The following SEL1L variants were observed in gnomAD, a reference collection of about 807,000 sequenced individuals.
SEL1L encodes protein sel-1 homolog 1.
SEL1L carries 52 observed loss-of-function variants against 109.8 expected under a neutral mutation model. That is an observed-to-expected ratio of 0.47 (90% CI 0.38 to 0.60). The LOEUF (loss-of-function observed/expected upper bound fraction) is 0.60. Among genes scored for constraint, SEL1L ranks in the 20% least tolerant of loss-of-function variants. The pLI, the probability that SEL1L is intolerant of heterozygous loss-of-function variation, is 0.00. For synonymous variants in SEL1L, 373 were observed against 339.6 expected, an observed-to-expected ratio of 1.10 and a Z score of -1.08; for missense variants, 749 against 962.2, an observed-to-expected ratio of 0.78 and a Z score of 2.93.
chr14:81,488,368 G>A (rs1177775036), intron 14 of SEL1L, among the ~76,000 whole-genome samples: 1 of 152,154 alleles, frequency 6.6e-6, no homozygotes, highest in Non-Finnish European at 1.5e-5. Flanking sequence ...AAGGTCATAT[G>A]TATCCAAGAA....
At chr14:81,515,747 A>C (rs1416012317) in intron 3 of SEL1L, among the ~76,000 whole-genome samples, 3 of 152,188 alleles carry the variant, frequency 2.0e-5, no homozygotes. Flanking sequence ...TCTAAAGGGT[A>C]AGTTTATTAC....
intron 20 of SEL1L, among the ~76,000 whole-genome samples, chr14:81,477,527 T>G (rs1485702072): frequency 6.6e-6 from 1 of 152,064 alleles, no homozygotes; most frequent in Non-Finnish European, 1.5e-5. Context: ...AAAACAACAC[T>G]GGGGCCAGGC....
intron 3 of SEL1L, among the ~76,000 whole-genome samples, chr14:81,517,475 TAAC>T (rs1884746170): frequency 6.6e-6 from 1 of 151,710 alleles, no homozygotes; most frequent in Non-Finnish European, 1.5e-5. Flanking sequence ...CTGGGGGAGG[TAAC>T]AATCCAGCAG....
chr14:81,527,550 T>C (rs1393897786), intron 2 of SEL1L, 151 bp downstream of exon 2: 5 of 509,856 alleles, frequency 9.8e-6, no homozygotes, highest in African/African-American at 8.0e-5. Flanking sequence ...CCAGAAAAAC[T>C]AGAACTAATA....
At chr14:81,502,976 C>T (rs1197347668) in intron 5 of SEL1L, 93 bp from the exon 6 acceptor site, 2 of 1,000,086 alleles carry the variant, frequency 2.0e-6, no homozygotes, top group East Asian at 2.6e-5. Context: ...TAAATAATTT[C>T]CTTATGTTAC....
At chr14:81,530,727 T>C (rs997482235) in intron 1 of SEL1L, among the ~76,000 whole-genome samples, 1 of 152,212 alleles carries the variant, frequency 6.6e-6, no homozygotes, top group Non-Finnish European at 1.5e-5. Context: ...GTTTCTAATA[T>C]TAGCCATGTG....
chr14:81,481,528 C>T (rs1423152863), intron 19 of SEL1L, among the ~76,000 whole-genome samples: 6 of 152,132 alleles, frequency 3.9e-5, no homozygotes, highest in Non-Finnish European at 7.4e-5. Context: ...TCATGTGATT[C>T]ATACATTGGA....
chr14:81,500,564 T>G (rs1883962571), intron 6 of SEL1L, among the ~76,000 whole-genome samples: 1 of 152,138 alleles, frequency 6.6e-6, no homozygotes, highest in South Asian at 2.1e-4. Flanking sequence ...GACAAAAAGT[T>G]TAGCTTGAGG....
At chr14:81,520,376 G>C (rs143639420) in intron 3 of SEL1L, among the ~76,000 whole-genome samples, 1 of 152,240 alleles carries the variant, frequency 6.6e-6, no homozygotes. Context: ...GAATAAGAAG[G>C]ACCATAAAGG....
chr14:81,510,514 C>CTCTCTCTCTCTATATATATATATA, intron 3 of SEL1L, among the ~76,000 whole-genome samples: 1 of 104,084 alleles, frequency 9.6e-6, no homozygotes, highest in East Asian at 3.1e-4. Flanking sequence ...CTCTCTCTCT[C>CTCTCTCTCTCTATATATATATATA]TATATATATA....
chr14:81,516,943 C>T (rs2140044933), intron 3 of SEL1L, among the ~76,000 whole-genome samples: 1 of 152,278 alleles, frequency 6.6e-6, no homozygotes, highest in South Asian at 2.1e-4. Flanking sequence ...TAAATCATAG[C>T]TGTGAAGGCA....
intron 3 of SEL1L, among the ~76,000 whole-genome samples, chr14:81,512,594 A>AC (rs1256716559): frequency 6.6e-6 from 1 of 152,234 alleles, no homozygotes; most frequent in East Asian, 1.9e-4. Context: ...AAGCCAGTCT[A>AC]CTGAGGAGCT....
At chr14:81,520,737 C>T (rs759495416) in intron 3 of SEL1L, among the ~76,000 whole-genome samples, 32 of 152,228 alleles carry the variant, frequency 2.1e-4, no homozygotes, top group Non-Finnish European at 3.7e-4. Flanking sequence ...TTATGAAATG[C>T]TTCAGCAGGA....
intron 5 of SEL1L, among the ~76,000 whole-genome samples, 156 bp from the exon 6 acceptor site, chr14:81,503,039 C>T (rs530729554): frequency 3.5e-4 from 53 of 152,240 alleles, no homozygotes; most frequent in Non-Finnish European, 6.6e-4. Flanking sequence ...GTTGTCCCGG[C>T]TGGAGTGCAA....
At chr14:81,501,604 T>C (rs1217608941) in intron 6 of SEL1L, among the ~76,000 whole-genome samples, 1 of 152,196 alleles carries the variant, frequency 6.6e-6, no homozygotes, top group Non-Finnish European at 1.5e-5. Flanking sequence ...TTATTGTTTA[T>C]ATAGTTTGAA....
intron 3 of SEL1L, among the ~76,000 whole-genome samples, chr14:81,514,353 G>A (rs7158459): frequency 0.059 from 8,964 of 152,244 alleles, 886 homozygotes; most frequent in African/African-American, 0.21. Flanking sequence ...CCCTCCCTTA[G>A]GGTATGGCCC....
At chr14:81,486,554 C>A in intron 16 of SEL1L, 100 bp from the exon 17 acceptor site, 1 of 1,123,258 alleles carries the variant, frequency 8.9e-7, no homozygotes, top group East Asian at 2.4e-5. Flanking sequence ...ATTAAGCTTG[C>A]TCCTTCAATT....
chr14:81,477,586 G>A (rs1262648397), intron 20 of SEL1L, among the ~76,000 whole-genome samples: 1 of 152,170 alleles, frequency 6.6e-6, no homozygotes, highest in Admixed American at 6.5e-5. Context: ...GCCGAGGTGA[G>A]TGTATCACTT....
chr14:81,499,282 T>C, intron 8 of SEL1L, 177 bp downstream of exon 8: 1 of 1,268,754 alleles, frequency 7.9e-7, no homozygotes, highest in Non-Finnish European at 9.9e-7. Flanking sequence ...CCAACTTTCA[T>C]TTACATGTAG....
Sources: allele counts gnomAD v4.1 joint callset (sites outside exome capture counted in the v4.1 genomes callset), GRCh38; gene constraint gnomAD v4.1.1; transcripts MANE v1.5; gene names NCBI Gene and HGNC (gene_info 2026-07-23, HGNC 2026-07-21).